FHIT: variants seen among roughly 807,000 people sequenced by gnomAD.
FHIT encodes bis(5'-adenosyl)-triphosphatase.
In FHIT, 19 loss-of-function variants were observed where a neutral mutation model predicts 17.9. That is an observed-to-expected ratio of 1.06 (90% CI 0.74 to 1.56). The LOEUF (loss-of-function observed/expected upper bound fraction) is 1.56, where lower values mean the gene tolerates loss of function less well. FHIT is among the 40% of genes most tolerant of loss of function. The pLI is 0.00. For synonymous variants in FHIT, 81 were observed against 69.7 expected, an observed-to-expected ratio of 1.16 and a Z score of -0.81; for missense variants, 248 against 189.2, an observed-to-expected ratio of 1.31 and a Z score of -1.82.
At position 60,200,854 on chromosome 3, in the gene FHIT, GT is replaced by G. The variant is rs1012648365; in HGVS notation, c.104-186703del. Among the ~76,000 whole-genome samples, 22 of 152,220 alleles carry G rather than the reference GT, an allele frequency of 1.4e-4. No individual in the cohort carries two copies. In the South Asian group the frequency reaches 1.7e-3, roughly 11 times the overall value. On this transcript the variant is annotated intron_variant, in intron 5 of 9. Transcript: ENST00000492590. Reference sequence around the variant, plus strand: ...CTACAATGTTGAGGCTACTGATTCAGTTTTATTTCCCAAGATGTCTTTCTTT... The same window carrying G: ...CTACAATGTTGAGGCTACTGATTCAGTTTATTTCCCAAGATGTCTTTCTTT...
intron 8 of FHIT, among the ~76,000 whole-genome samples, chr3:59,870,007 C>A (rs1702847543): frequency 6.6e-6 from 1 of 152,078 alleles, no homozygotes; most frequent in Non-Finnish European, 1.5e-5. Context: ...GCTATATTAT[C>A]ATTAATCCTC....
At chr3:60,420,318 C>T (rs1702421364) in intron 5 of FHIT, among the ~76,000 whole-genome samples, 1 of 152,094 alleles carries the variant, frequency 6.6e-6, no homozygotes. Context: ...ATGTATAACA[C>T]AGTTCATTCA....
At chr3:60,585,617 G>A (rs979470587) in intron 4 of FHIT, among the ~76,000 whole-genome samples, 10 of 151,880 alleles carry the variant, frequency 6.6e-5, no homozygotes, top group African/African-American at 2.2e-4. Flanking sequence ...AACCAGGCTT[G>A]GTACCCAAAG....
Position 60,064,645 on chromosome 3 carries a change from G to T in FHIT, c.104-50493C>A, listed in dbSNP as rs559703289. On this transcript the variant is annotated intron_variant, in intron 5 of 9. Transcript: ENST00000492590. ...GCAGACATGAGGAAAAGCAAAGTTT[G>T]CATGTGCACATACACACAACACAAG... 5.3e-5 allele frequency among the ~76,000 whole-genome samples: 8 copies of T among 152,316 alleles called. No individual in the cohort carries two copies. The South Asian group carries it at 1.7e-3, about 32-fold the overall frequency.
At chr3:61,023,208 CAG>C (rs1393771477) in intron 3 of FHIT, among the ~76,000 whole-genome samples, 1 of 152,120 alleles carries the variant, frequency 6.6e-6, no homozygotes, top group Non-Finnish European at 1.5e-5. Flanking sequence ...AATAGACAAA[CAG>C]AGAGCCAAAT....
chr3:60,246,112 G>T (rs2107582076), intron 5 of FHIT, among the ~76,000 whole-genome samples: 1 of 152,148 alleles, frequency 6.6e-6, no homozygotes, highest in Admixed American at 6.6e-5. Context: ...CAGAAGTATG[G>T]AATGAGGCAG....
chr3:61,013,339 G>T (rs1057234257), intron 3 of FHIT, among the ~76,000 whole-genome samples: 1 of 152,136 alleles, frequency 6.6e-6, no homozygotes, highest in Non-Finnish European at 1.5e-5. Context: ...CTGAATTGTG[G>T]ATATGATAAA....
rs1382485123 is a variant in FHIT at position 60,660,261 on chromosome 3, G to A, written c.-17-123282C>T. 2.0e-5 allele frequency among the ~76,000 whole-genome samples: 3 copies of A among 152,182 alleles called. No homozygotes were observed. The East Asian group carries it at 5.8e-4, about 29-fold the overall frequency. ...ACAACAATGGCCCCTGGCTCTGTCT[G>A]CACCTTTGTAATCAGAAGCAACAAT... On this transcript the variant is annotated intron_variant, in intron 4 of 9. Coordinates refer to ENST00000492590, the MANE Select transcript of FHIT (RefSeq NM_002012.4).
chr3:60,117,398 A>T (rs28538005), intron 5 of FHIT, among the ~76,000 whole-genome samples: 46,462 of 150,188 alleles, frequency 0.31, 7,456 homozygotes, highest in Non-Finnish European at 0.36. Flanking sequence ...GAGGATTTAA[A>T]TTTTTTTATT....
chr3:60,087,157 G>A lies in FHIT; in HGVS notation c.104-73005C>T, dbSNP rs562887871. 2.0e-5 allele frequency among the ~76,000 whole-genome samples: 3 copies of A among 152,338 alleles called. No individual in the cohort carries two copies. The East Asian group carries it at 5.8e-4, about 29-fold the overall frequency. On this transcript the variant is annotated intron_variant, in intron 5 of 9. Coordinates refer to ENST00000492590, the MANE Select transcript of FHIT (RefSeq NM_002012.4). ...CTATATCTGGGGCCATTTGAGCCATGGCTGGAGCCAGAGCAGCTGGGATGC... is the reference window on the plus strand; with the variant it reads ...CTATATCTGGGGCCATTTGAGCCATAGCTGGAGCCAGAGCAGCTGGGATGC...
chr3:60,527,065 C>T (rs537393232), intron 5 of FHIT, among the ~76,000 whole-genome samples: 11 of 152,240 alleles, frequency 7.2e-5, no homozygotes, highest in African/African-American at 2.6e-4. Flanking sequence ...CATCTGTCCC[C>T]ACATGTCAGC....
At chr3:61,223,374 C>A (rs1176067331) in intron 1 of FHIT, among the ~76,000 whole-genome samples, 2 of 152,146 alleles carry the variant, frequency 1.3e-5, no homozygotes, top group Non-Finnish European at 2.9e-5. Flanking sequence ...CCAGTTCCAC[C>A]CAGACAGACC....
intron 3 of FHIT, among the ~76,000 whole-genome samples, chr3:60,898,014 G>A (rs1411602700): frequency 1.3e-5 from 2 of 151,762 alleles, no homozygotes; most frequent in African/African-American, 4.8e-5. Context: ...ACTACAGCTA[G>A]GCAAAAACAA....
At chr3:61,191,713 G>A (rs555065614) in intron 2 of FHIT, among the ~76,000 whole-genome samples, 75 of 152,184 alleles carry the variant, frequency 4.9e-4, no homozygotes, top group African/African-American at 1.8e-3. Context: ...TATCCCTTTA[G>A]CTCCAAGGGC....
chr3:59,772,606 C>T (rs768916152), intron 8 of FHIT, among the ~76,000 whole-genome samples: 4 of 152,184 alleles, frequency 2.6e-5, no homozygotes, highest in Non-Finnish European at 2.9e-5. Flanking sequence ...CCAAGGCCAG[C>T]TCTCGTAACC....
intron 8 of FHIT, among the ~76,000 whole-genome samples, chr3:59,831,955 C>T (rs1701179048): frequency 6.6e-6 from 1 of 152,056 alleles, no homozygotes; most frequent in African/African-American, 2.4e-5. Context: ...GTCAGCAGAG[C>T]AAATGGGGAC....
At chr3:59,970,762 T>C (rs1225259605) in intron 7 of FHIT, among the ~76,000 whole-genome samples, 1 of 152,056 alleles carries the variant, frequency 6.6e-6, no homozygotes, top group Non-Finnish European at 1.5e-5. Flanking sequence ...TCATACAAGC[T>C]GTCTCGTCCG....
At chr3:59,971,484 T>G (rs1442886441) in intron 7 of FHIT, among the ~76,000 whole-genome samples, 1 of 137,184 alleles carries the variant, frequency 7.3e-6, no homozygotes, top group Non-Finnish European at 1.7e-5. Context: ...TAAGGTTTCA[T>G]GGGTTCATAA....
At chr3:60,827,706 A>C (rs1158546539) in intron 3 of FHIT, among the ~76,000 whole-genome samples, 1 of 152,236 alleles carries the variant, frequency 6.6e-6, no homozygotes, top group African/African-American at 2.4e-5. Context: ...ACTGCAGCAA[A>C]GGGCGTTCAG....
Sources: gnomAD v4.1 joint callset for allele counts (sites outside exome capture counted in the v4.1 genomes callset) on GRCh38, gnomAD v4.1.1 for gene constraint, MANE v1.5 for transcripts, NCBI Gene and HGNC (gene_info 2026-07-23, HGNC 2026-07-21) for gene names.